Variants in RECK observed in about 807,000 individuals in gnomAD.
RECK encodes reversion inducing cysteine rich protein with kazal motifs, also known as reversion-inducing cysteine-rich protein with Kazal motifs.
A neutral mutation model predicts 115.1 loss-of-function variants in RECK; 69 were observed. That is an observed-to-expected ratio of 0.60 (90% CI 0.49 to 0.73). RECK has a LOEUF of 0.73. Among genes scored for constraint, RECK ranks in the 30% least tolerant of loss-of-function variants. The pLI is 0.00. For missense variants in RECK, 1,047 were observed against 1,203.7 expected, an observed-to-expected ratio of 0.87 and a Z score of 1.93; for synonymous variants, 414 against 419.7, an observed-to-expected ratio of 0.99 and a Z score of 0.17.
chr9:36,058,584 A>G (rs1821627795), intron 2 of RECK, among the ~76,000 whole-genome samples: 1 of 148,724 alleles, frequency 6.7e-6, no homozygotes, highest in Non-Finnish European at 1.5e-5. Flanking sequence ...GCGCACCAGC[A>G]TGGCACATGT....
At chr9:36,088,062 GT>G in intron 9 of RECK, 101 bp downstream of exon 9, 1 of 830,832 alleles carries the variant, frequency 1.2e-6, no homozygotes, top group Non-Finnish European at 1.9e-6. Context: ...CGTGGTATAG[GT>G]TTAGCATTTA....
chr9:36,107,932 C>T, intron 13 of RECK, 44 bp from the exon 14 acceptor site: 1 of 1,396,940 alleles, frequency 7.2e-7, no homozygotes, highest in Non-Finnish European at 9.9e-7. Flanking sequence ...AAAACAATGT[C>T]ATAGAACAGT....
At chr9:36,071,217 C>T (rs1822216827) in intron 6 of RECK, among the ~76,000 whole-genome samples, 1 of 152,122 alleles carries the variant, frequency 6.6e-6, no homozygotes, top group Admixed American at 6.6e-5. Context: ...CACAGGTTGG[C>T]TGTGAACATT....
rs11788747 is a variant in RECK at position 36,105,267 on chromosome 9, A to G, written c.1560A>G (p.Pro520=). ...GTCCATCTGGAGATCCCTGTCTTCC[A>G]TACTTTTGTGTTCAAGGTAAGAGGT... is the stretch of plus-strand genomic sequence containing the variant. ...KGCPSGDPCL[P]YFCVQGCKLG... is the part of the protein sequence containing the mutation. The change falls in exon 13 of 21, where the codon CCA becomes CCG. Residue 520 remains proline (P), a synonymous_variant. Transcript: ENST00000377966. The G allele has an allele frequency of 0.37, 599,130 of 1,612,830 alleles. 116,342 individuals are homozygous for G. The highest frequency in any genetic ancestry group is 0.48 in the Middle Eastern group (2,892 of 6,058).
intron 10 of RECK, among the ~76,000 whole-genome samples, chr9:36,095,734 T>C (rs1723872710): frequency 6.6e-6 from 1 of 151,208 alleles, no homozygotes; most frequent in Non-Finnish European, 1.5e-5. Flanking sequence ...CTCAGGAGTT[T>C]GAGACCAGCC....
chr9:36,106,050 G>A (rs570913237), intron 13 of RECK, among the ~76,000 whole-genome samples: 6 of 151,684 alleles, frequency 4.0e-5, no homozygotes, highest in Non-Finnish European at 8.8e-5. Flanking sequence ...TGTCTCTACT[G>A]AAAATACAAA....
intron 6 of RECK, among the ~76,000 whole-genome samples, chr9:36,075,546 A>G (rs768806134): frequency 1.2e-4 from 19 of 152,212 alleles, no homozygotes; most frequent in Non-Finnish European, 2.2e-4. Flanking sequence ...CTAGTCATCT[A>G]TACTTTTTGA....
chr9:36,085,303 G>C (rs928563858), intron 8 of RECK: 1 of 170,020 alleles, frequency 5.9e-6, no homozygotes, highest in African/African-American at 2.4e-5. Flanking sequence ...TGGCTCTTCA[G>C]AGTCTCCGCT....
chr9:36,080,479 T>C (rs775227960), intron 6 of RECK, 126 bp from the exon 7 acceptor site: 13 of 769,912 alleles, frequency 1.7e-5, no homozygotes, highest in Middle Eastern at 3.6e-4. Flanking sequence ...GTGTTTTCAG[T>C]CTTGGATTTA....
rs187161076 is a variant in RECK at position 36,118,743 on chromosome 9, T to G, written c.2254-14T>G. ...TAGACATTTCCAGGCTAAATGTGAT[T>G]TGTTTGCCCTCAGCCCTTTTGCAGA... On this transcript the variant is annotated splice_polypyrimidine_tract_variant and intron_variant, in intron 17 of 20. Transcript: ENST00000377966. 17 of 1,611,498 alleles carry G rather than the reference T, an allele frequency of 1.1e-5. No homozygotes were observed. Among genetic ancestry groups the G allele is most frequent in the Non-Finnish European group, 1.4e-5 (16 of 1,178,292 alleles).
intron 18 of RECK, among the ~76,000 whole-genome samples, chr9:36,119,504 C>T (rs1362161666): frequency 6.6e-6 from 1 of 152,160 alleles, no homozygotes; most frequent in African/African-American, 2.4e-5. Flanking sequence ...GCTTACCTTA[C>T]AATCTCACAC....
At chr9:36,044,177 C>A (rs556717907) in intron 1 of RECK, among the ~76,000 whole-genome samples, 4 of 150,966 alleles carry the variant, frequency 2.6e-5, no homozygotes, top group African/African-American at 9.7e-5. Context: ...TTGTAGAATT[C>A]TTTCACCTCC....
chr9:36,050,919 C>T (rs1044216135), intron 1 of RECK, among the ~76,000 whole-genome samples: 2 of 152,142 alleles, frequency 1.3e-5, no homozygotes, highest in Non-Finnish European at 2.9e-5. Context: ...CTCACTTCCA[C>T]ACACACATCC....
At chr9:36,090,568 A>G (rs1371176338) in intron 9 of RECK, among the ~76,000 whole-genome samples, 1 of 152,234 alleles carries the variant, frequency 6.6e-6, no homozygotes, top group South Asian at 2.1e-4. Context: ...TGTTTTAGCT[A>G]TATACACATA....
Position 36,118,889 on chromosome 9 carries a change from C to T in RECK, c.2386C>T (p.His796Tyr), listed in dbSNP as rs1409883329. 1.9e-6 allele frequency: 3 copies of T among 1,613,818 alleles called. No individual in the cohort carries two copies. Among genetic ancestry groups the T allele is most frequent in the East Asian group, 2.2e-5 (1 of 44,904 alleles). ...CCAGGCCGTCGGAGTCCTCTCAGAG[C>T]ACAGCTCCGTCGCCGAGTGTGCTTC... ...DCQAVGVLSE[H>Y]SSVAECASVK... The change falls in exon 18 of 21, where the codon CAC (histidine) becomes TAC (tyrosine). Residue 796 changes from histidine (H) to tyrosine (Y), a missense_variant. Transcript: ENST00000377966.
Position 36,116,976 on chromosome 9 carries a change from CT to C in RECK, c.2061-4del. On this transcript the variant is annotated splice_polypyrimidine_tract_variant and splice_region_variant and intron_variant, in intron 16 of 20. Coordinates refer to ENST00000377966, the MANE Select transcript of RECK (RefSeq NM_021111.3). ...CATTGGCTCATGGTGCTGCATTCGT[CT>C]TTTTCAGGTGCATACCCAAACCACA... The C allele has an allele frequency of 1.2e-6, 2 of 1,601,392 alleles. No homozygotes were observed. Among genetic ancestry groups the C allele is most frequent in the Non-Finnish European group, 1.7e-6 (2 of 1,171,376 alleles).
chr9:36,058,964 C>T, intron 3 of RECK, 63 bp downstream of exon 3: 1 of 1,144,578 alleles, frequency 8.7e-7, no homozygotes, highest in Non-Finnish European at 1.2e-6. Flanking sequence ...CAATGAATTA[C>T]TTTCAGAGTT....
chr9:36,109,856 G>T, intron 14 of RECK, 101 bp from the exon 15 acceptor site: 2 of 1,113,534 alleles, frequency 1.8e-6, no homozygotes, highest in Non-Finnish European at 2.5e-6. Context: ...AAAAAAAAAA[G>T]GAATTTCCAT....
At chr9:36,069,820 A>T (rs1588292928) in intron 6 of RECK, among the ~76,000 whole-genome samples, 1 of 152,178 alleles carries the variant, frequency 6.6e-6, no homozygotes, top group Non-Finnish European at 1.5e-5. Context: ...TCCACATATT[A>T]TAGACAGACA....
Sources: gnomAD v4.1 joint callset for allele counts (sites outside exome capture counted in the v4.1 genomes callset) on GRCh38, gnomAD v4.1.1 for gene constraint, MANE v1.5 for transcripts, NCBI Gene and HGNC (gene_info 2026-07-23, HGNC 2026-07-21) for gene names.